Variants in ARHGAP45 observed in about 807,000 individuals in gnomAD.
ARHGAP45 encodes the protein rho GTPase-activating protein 45.
In ARHGAP45, 56 loss-of-function variants were observed where a neutral mutation model predicts 116.1. That is an observed-to-expected ratio of 0.48 (90% CI 0.39 to 0.60). The LOEUF is 0.60. ARHGAP45 is among the 20% of genes least tolerant of loss of function. ARHGAP45 has a pLI of 0.00. For missense variants in ARHGAP45, 1,622 were observed against 1,601.0 expected (o/e 1.01, Z -0.22); for synonymous variants, 866 against 701.7 (o/e 1.23, Z -3.70).
intron 2 of ARHGAP45, among the ~76,000 whole-genome samples, chr19:1,072,647 C>G (rs1211159818): frequency 6.6e-6 from 1 of 152,190 alleles, no homozygotes; most frequent in Non-Finnish European, 1.5e-5. Context: ...GGAGATAAAG[C>G]CAGGCAGGAT....
chr19:1,083,373 C>T lies in ARHGAP45; in HGVS notation c.2955+20C>T, dbSNP rs1328991690. 11 of 1,535,118 alleles carry T rather than the reference C, an allele frequency of 7.2e-6. No individual in the cohort carries two copies. The highest frequency in any genetic ancestry group is 5.5e-5 in the African/African-American group (4 of 72,898). On this transcript the variant is annotated intron_variant, in intron 21 of 22. Transcript: ENST00000313093. ...GGCCAGGTGAGGGTGTGGGCCTGAC[C>T]GGGGCTGGCCACTCGGGGCTTGGGG...
intron 10 of ARHGAP45, among the ~76,000 whole-genome samples, chr19:1,075,114 C>T (rs575614790): frequency 6.6e-6 from 1 of 152,192 alleles, no homozygotes; most frequent in East Asian, 1.9e-4. Context: ...CCGGCGCTCA[C>T]TGCTGTCCCT....
intron 1 of ARHGAP45, chr19:1,067,733 G>T (rs1450348963): frequency 1.5e-6 from 1 of 683,784 alleles, no homozygotes; most frequent in African/African-American, 1.8e-5. Flanking sequence ...TGGCCGCGGG[G>T]CCCAGGGAGC....
chr19:1,075,033 CCCA>C (rs1016713564), intron 10 of ARHGAP45, among the ~76,000 whole-genome samples, 154 bp downstream of exon 10: 14 of 133,102 alleles, frequency 1.1e-4, no homozygotes, highest in African/African-American at 1.1e-4. Context: ...GGCCGCCCCC[CCCA>C]ACGCCAAGCC....
intron 19 of ARHGAP45, 92 bp from the exon 20 acceptor site, chr19:1,082,748 T>C: frequency 9.0e-7 from 1 of 1,115,548 alleles, no homozygotes; most frequent in Non-Finnish European, 1.2e-6. Flanking sequence ...GCCAGTGCTC[T>C]GTGGGGGTGG....
Position 1,081,422 on chromosome 19 carries a change from C to A in ARHGAP45, c.2191-128C>A, listed in dbSNP as rs572175884. 6.8e-4 allele frequency: 677 copies of A among 995,580 alleles called. 4 individuals carry two copies. The African/African-American group carries it at 9.9e-3, about 15-fold the overall frequency. The allele number at this position is 995,580 out of a possible 1,614,324, so 61.7% of individuals were successfully genotyped here. A position where few individuals can be genotyped will look rare whatever the true frequency, so the allele number is the denominator to read the frequency against. ...TGGGGTGGAAGCCACGAGCCACTGT[C>A]CAGCTTGTGTTTGCAGAAGCTGCCG... On this transcript the variant is annotated intron_variant, in intron 17 of 22. Transcript: ENST00000313093.
intron 2 of ARHGAP45, among the ~76,000 whole-genome samples, chr19:1,070,992 T>G (rs10421359): frequency 0.48 from 73,070 of 152,054 alleles, 19,986 homozygotes; most frequent in African/African-American, 0.76. Flanking sequence ...GGACCCGCGT[T>G]CAGGCAGCTA....
At chr19:1,074,767 G>A (rs2043207043) in intron 9 of ARHGAP45, 32 bp from the exon 10 acceptor site, 2 of 1,598,702 alleles carry the variant, frequency 1.3e-6, no homozygotes, top group African/African-American at 2.7e-5. Context: ...GGGTGTCACC[G>A]GGGTACCCAC....
Position 1,071,101 on chromosome 19 carries a change from C to T in ARHGAP45, c.422-2048C>T, listed in dbSNP as rs1000682403. 9.5e-7 allele frequency: 1 copy of T among 1,048,436 alleles called. No homozygotes were observed. Among genetic ancestry groups the T allele is most frequent in the Non-Finnish European group, 1.2e-6 (1 of 801,826 alleles). 64.9% of individuals were successfully genotyped at this position (1,048,436 alleles called of 1,614,324 possible). On this transcript the variant is annotated intron_variant, in intron 2 of 22. Coordinates refer to ENST00000313093, the MANE Select transcript of ARHGAP45 (RefSeq NM_012292.5). The surrounding 1 kb of genome is among the most constrained non-coding windows in gnomAD (Gnocchi z 4.6). ...CTCAGTTTCCCTGCCCGTCCTCGAC[C>T]CTCCCCACCTCGAAGCTCTGCGGTT...
rs770275071 is a variant in ARHGAP45, at chr19:1,083,206, C to T, written c.2808C>T (p.Pro936=). The change falls in exon 21 of 23, where the codon CCC becomes CCT. Residue 936 remains proline, a synonymous_variant. Transcript: ENST00000313093. ...GGAACCTGGGCATCGTGTTCGGGCC[C>T]ACGCTGCTTCGGCCACGGCCCACCG... ...TPGNLGIVFG[P]TLLRPRPTEA... The T allele has an allele frequency of 2.5e-6, 4 of 1,611,034 alleles. No homozygotes were observed. The highest frequency in any genetic ancestry group is 2.2e-5 in the South Asian group (2 of 90,586).
chr19:1,085,562 C>T, intron 22 of ARHGAP45, 98 bp from the exon 23 acceptor site: 2 of 888,242 alleles, frequency 2.3e-6, no homozygotes, highest in South Asian at 1.8e-5. Context: ...TCTCTCCCCC[C>T]TCTCCTGTCT....
In ARHGAP45 at chr19:1,080,274, C is replaced by T. The variant is rs1408921059; in HGVS notation, c.1723C>T (p.Arg575Trp). ...CACTAGGTCCCCCGTCATGCGTGCC[C>T]GGAAGAGCAGCTTCAACGTGAGTGA... The part of the protein sequence containing the change: ...ANAWSPVMRA[R>W]KSSFNVSDVA... The change falls in exon 14 of 23, where the codon CGG becomes TGG. Residue 575 changes from arginine (R) to tryptophan (W), a missense_variant. Physicochemically the swap from Arg to Trp is moderately radical, Grantham distance 101. Coordinates refer to ENST00000313093, the MANE Select transcript of ARHGAP45 (RefSeq NM_012292.5). The T allele has an allele frequency of 4.7e-5, 76 of 1,612,652 alleles. No individual in the cohort carries two copies. Among genetic ancestry groups the T allele is most frequent in the Non-Finnish European group, 6.3e-5 (74 of 1,179,858 alleles).
intron 10 of ARHGAP45, 148 bp downstream of exon 10, chr19:1,075,027 G>GC (rs539582612): frequency 0.23 from 103,109 of 439,660 alleles, 12,750 homozygotes; most frequent in Admixed American, 0.38. Context: ...AGGCTGGGCC[G>GC]CCCCCCCCAA....
At chr19:1,080,807 C>T in intron 16 of ARHGAP45, 21 bp downstream of exon 16, 1 of 1,612,224 alleles carries the variant, frequency 6.2e-7, no homozygotes, top group Non-Finnish European at 8.5e-7. Flanking sequence ...CCTGACGGGG[C>T]TGGAGAGAGA....
chr19:1,067,574 T>G, intron 1 of ARHGAP45, 79 bp downstream of exon 1: 1 of 1,361,928 alleles, frequency 7.3e-7, no homozygotes, highest in Non-Finnish European at 1.0e-6. Context: ...TCGGGGCTCA[T>G]GCTGGGGCGG....
At chr19:1,077,491 C>T (rs2043284749) in intron 10 of ARHGAP45, 1 of 987,704 alleles carries the variant, frequency 1.0e-6, no homozygotes, top group Non-Finnish European at 1.3e-6. Flanking sequence ...GTTCGCGATT[C>T]TAGTGCCTCA....
chr19:1,080,163 C>A lies in ARHGAP45; in HGVS notation c.1703+45C>A, dbSNP rs754770570. 3 of 1,610,166 alleles carry A rather than the reference C, an allele frequency of 1.9e-6. No homozygotes were observed. The South Asian group carries it at 3.3e-5, about 18-fold the overall frequency. On this transcript the variant is annotated intron_variant, in intron 13 of 22. Coordinates refer to ENST00000313093, the MANE Select transcript of ARHGAP45 (RefSeq NM_012292.5). ...CTGTCCCCGGCGCACAAGGCCCTGCCTGGGAGCCGGGCTTCCCTCTGTCGG... is the reference window on the plus strand; with the variant it reads ...CTGTCCCCGGCGCACAAGGCCCTGCATGGGAGCCGGGCTTCCCTCTGTCGG...
At position 1,077,941 on chromosome 19, in the gene ARHGAP45, G is replaced by T; in HGVS notation, c.1270G>T (p.Ala424Ser). 1 of 1,553,670 alleles carries T rather than the reference G, an allele frequency of 6.4e-7. No homozygotes were observed. Among genetic ancestry groups the T allele is most frequent in the Non-Finnish European group, 8.7e-7 (1 of 1,148,096 alleles). Residue 424 changes from alanine (A) to serine (S), a missense_variant, in exon 11 of 23, where the codon GCC (alanine) becomes TCC (serine). By Grantham distance (99) the Ala-to-Ser change is moderately conservative. Transcript: ENST00000313093. ...CCACGACAAGGCTCGCTTCCTCGTGGCCAAGGCGGAGGAGGAGCAGGCTGG... is the reference window on the plus strand; with the variant it reads ...CCACGACAAGGCTCGCTTCCTCGTGTCCAAGGCGGAGGAGGAGCAGGCTGG... ...EDHDKARFLV[A>S]KAEEEQAGSA...
Position 1,081,876 on chromosome 19 carries a change from C to T in ARHGAP45, c.2432C>T (p.Ala811Val), listed in dbSNP as rs2043448964. The T allele has an allele frequency of 6.2e-7, 1 of 1,613,034 alleles. No homozygotes were observed. Among genetic ancestry groups the T allele is most frequent in the African/African-American group, 1.3e-5 (1 of 74,908 alleles). ...VKTRVEKLCQAFENGKELVEL... is the reference protein window; with the variant it reads ...VKTRVEKLCQVFENGKELVEL... ...ACACGCGTGGAGAAGCTGTGCCAGG[C>T]CTTCGAGAACGGCAAGGAGCTGGTC... The change falls in exon 19 of 23, where the codon GCC becomes GTC. Residue 811 changes from alanine (A) to valine (V), a missense_variant. Physicochemically the swap from Ala to Val is moderately conservative, Grantham distance 64. This residue lies in a region of ARHGAP45 where 1,334 missense variants were observed against 1,263.8 expected (regional missense o/e 1.06). Transcript: ENST00000313093.
Sources: allele counts gnomAD v4.1 joint callset (sites outside exome capture counted in the v4.1 genomes callset), GRCh38; gene constraint gnomAD v4.1.1; regional missense constraint gnomAD v4.1.1; non-coding constraint Gnocchi (gnomAD v3.1); transcripts MANE v1.5; gene names NCBI Gene and HGNC (gene_info 2026-07-23, HGNC 2026-07-21).